Variants in CHRM1 observed in about 807,000 individuals in gnomAD.
CHRM1 encodes muscarinic acetylcholine receptor M1.
Under a neutral mutation model 31.6 loss-of-function variants are expected in CHRM1, and 5 were observed. The ratio of observed to expected loss-of-function variants is 0.16; its 90% CI spans 0.08 to 0.33. CHRM1 has a LOEUF of 0.33. CHRM1 is among the 10% of genes least tolerant of loss of function. The pLI, the probability that CHRM1 is intolerant of heterozygous loss-of-function variation, is 1.00. For synonymous variants in CHRM1, 227 were observed against 249.7 expected, an observed-to-expected ratio of 0.91 and a Z score of 0.86; for missense variants, 338 against 610.3, an observed-to-expected ratio of 0.55 and a Z score of 4.70.
In CHRM1 at chr11:62,909,401, G is replaced by A; in HGVS notation, c.*317C>T. ...TTCTTTCTCCTGGCCCGCCCTGCTGGCTCCTGACTTCCTGCCTAAAGGCAA... is the reference window on the plus strand; with the variant it reads ...TTCTTTCTCCTGGCCCGCCCTGCTGACTCCTGACTTCCTGCCTAAAGGCAA... On this transcript the variant is annotated 3_prime_UTR_variant, in exon 2 of 2. Coordinates refer to ENST00000306960, the MANE Select transcript of CHRM1 (RefSeq NM_000738.3). 2.7e-6 allele frequency: 1 copy of A among 367,418 alleles called. No homozygotes were observed. The highest frequency in any genetic ancestry group is 4.9e-6 in the Non-Finnish European group (1 of 202,510). The allele number at this position is 367,418 out of a possible 1,614,324, so 22.8% of individuals were successfully genotyped here.
At chr11:62,917,200 T>C (rs1362017278) in intron 1 of CHRM1, among the ~76,000 whole-genome samples, 1 of 152,166 alleles carries the variant, frequency 6.6e-6, no homozygotes. Flanking sequence ...TGTGAAAGAA[T>C]CTGGTTTCCC....
chr11:62,913,140 C>T (rs1221445253), intron 1 of CHRM1, among the ~76,000 whole-genome samples: 1 of 152,210 alleles, frequency 6.6e-6, no homozygotes, highest in African/African-American at 2.4e-5. Flanking sequence ...TGAATCTAGT[C>T]TATCCTGTTC....
rs1217695022 is a variant in CHRM1, at chr11:62,909,779, C to T, written c.1322G>A (p.Arg441His). The T allele has an allele frequency of 1.2e-5, 20 of 1,614,070 alleles. No individual in the cohort carries two copies. The Admixed American group carries it at 2.8e-4, about 23-fold the overall frequency. The stretch of plus-strand genomic sequence containing the variant: ...AGGGCGCTTGGGGATCTTGCGCCAG[C>T]GTCTCTTGTCCCAGCGGCAAAGCAG... ...LLLLCRWDKR[R>H]WRKIPKRPGS... The change falls in exon 2 of 2, where the codon CGC becomes CAC. Residue 441 changes from arginine to histidine, a missense_variant. Arg to His is a conservative substitution (Grantham distance 29). Around this residue, in one of 4 missense-constraint regions of CHRM1, gnomAD observed 68 missense variants for 108.5 expected, o/e 0.63. Coordinates refer to ENST00000306960, the MANE Select transcript of CHRM1 (RefSeq NM_000738.3).
intron 1 of CHRM1, among the ~76,000 whole-genome samples, chr11:62,912,485 G>C (rs555610483): frequency 6.6e-6 from 1 of 152,278 alleles, no homozygotes; most frequent in East Asian, 1.9e-4. Flanking sequence ...TGGGGTGTGG[G>C]AGGCTTCCCT....
Position 62,910,620 on chromosome 11 carries a change from T to C in CHRM1, c.481A>G (p.Ile161Val). Residue 161 changes from isoleucine (I) to valine (V), a missense_variant, in exon 2 of 2, where the codon ATC (isoleucine) becomes GTC (valine). Ile to Val is a conservative substitution (Grantham distance 29). Around this residue, in one of 4 missense-constraint regions of CHRM1, gnomAD observed 85 missense variants for 257.7 expected, o/e 0.33. Coordinates refer to ENST00000306960, the MANE Select transcript of CHRM1 (RefSeq NM_000738.3). The surrounding 1 kb of genome is among the most constrained non-coding windows in gnomAD (Gnocchi z 8.7). Reference sequence around the variant, plus strand: ...CCTACCAGGTACTGCCAGAAGAGGATGGCTGGGGCCCAGAGCACAAAGGAA... The same window carrying C: ...CCTACCAGGTACTGCCAGAAGAGGACGGCTGGGGCCCAGAGCACAAAGGAA... ...LVSFVLWAPA[I>V]LFWQYLVGER... 1 of 1,614,132 alleles carries C rather than the reference T, an allele frequency of 6.2e-7. No homozygotes were observed. Among genetic ancestry groups the C allele is most frequent in the Non-Finnish European group, 8.5e-7 (1 of 1,180,012 alleles).
Position 62,910,840 on chromosome 11 carries a change from G to A in CHRM1, c.261C>T (p.Leu87=). Residue 87 remains leucine (L), a synonymous_variant, in exon 2 of 2, where the codon CTC becomes CTT. Coordinates refer to ENST00000306960, the MANE Select transcript of CHRM1 (RefSeq NM_000738.3). This position sits in a 1 kb window ranked among gnomAD's most constrained non-coding sequence, Gnocchi z 8.7. ...FSMNLYTTYL[L]MGHWALGTLA... ...GCGTGCCCAGAGCCCAGTGGCCCAT[G>A]AGCAGGTACGTGGTATAGAGGTTCA... is the stretch of plus-strand genomic sequence containing the variant. 6.2e-7 allele frequency: 1 copy of A among 1,614,186 alleles called. No individual in the cohort carries two copies. Among genetic ancestry groups the A allele is most frequent in the East Asian group, 2.2e-5 (1 of 44,890 alleles).
chr11:62,909,376 T>G lies in CHRM1; in HGVS notation c.*342A>C, dbSNP rs147408879. The G allele has an allele frequency of 1.8e-4, 53 of 291,600 alleles. No individual in the cohort carries two copies. The highest frequency in any genetic ancestry group is 9.9e-4 in the African/African-American group (46 of 46,356). 18.1% of individuals were successfully genotyped at this position (291,600 alleles called of 1,614,324 possible). On this transcript the variant is annotated 3_prime_UTR_variant, in exon 2 of 2. Transcript: ENST00000306960. ...GCCAAGGAATACTTAATGTTAAGCC[T>G]TCTTTCTCCTGGCCCGCCCTGCTGG...
chr11:62,909,586 G>A lies in CHRM1; in HGVS notation c.*132C>T. 8.7e-7 allele frequency: 1 copy of A among 1,146,654 alleles called. No individual in the cohort carries two copies. Among genetic ancestry groups the A allele is most frequent in the Non-Finnish European group, 1.2e-6 (1 of 811,546 alleles). 71.0% of individuals were successfully genotyped at this position (1,146,654 alleles called of 1,614,324 possible). A position where few individuals can be genotyped will look rare whatever the true frequency, so the allele number is the denominator to read the frequency against. On this transcript the variant is annotated 3_prime_UTR_variant, in exon 2 of 2. Coordinates refer to ENST00000306960, the MANE Select transcript of CHRM1 (RefSeq NM_000738.3). ...TGGCAGGGTCTCTCTGGGCTGCCCA[G>A]GAAGGTGACCCAGGGTCCTGGGAAG...
Position 62,917,255 on chromosome 11 carries a change from GATT to G in CHRM1, c.-79+3960_-79+3962del, listed in dbSNP as rs750368348. The stretch of plus-strand genomic sequence containing the variant: ...CTGGGGAGACCAGCCCTAGGCTGAG[GATT>G]AGGGTATGGGGTTCAGTGGTAGCTC... On this transcript the variant is annotated intron_variant, in intron 1 of 1. Transcript: ENST00000306960. Among the ~76,000 whole-genome samples the G allele has an allele frequency of 3.3e-4, 51 of 152,332 alleles. No individual in the cohort carries two copies. In the South Asian group the frequency reaches 5.0e-3, roughly 15 times the overall value.
intron 1 of CHRM1, among the ~76,000 whole-genome samples, chr11:62,911,877 T>G (rs2085872778): frequency 6.6e-6 from 1 of 152,026 alleles, no homozygotes; most frequent in Non-Finnish European, 1.5e-5. Flanking sequence ...AAAGGGGAGT[T>G]CCTGAGAAGA....
chr11:62,908,967 G>T lies in CHRM1; in HGVS notation c.*751C>A, dbSNP rs1274808672. 7 of 152,870 alleles carry T rather than the reference G, an allele frequency of 4.6e-5. No individual in the cohort carries two copies. The highest frequency in any genetic ancestry group is 1.0e-4 in the Non-Finnish European group (7 of 68,298). The allele number at this position is 152,870 out of a possible 1,614,324, so 9.5% of individuals were successfully genotyped here. Reference sequence around the variant, plus strand: ...GACTGAGGCTTCTCTGGGGCAGGGGGTATGGATTTGCGGCTGGATAGCAGG... The same window carrying T: ...GACTGAGGCTTCTCTGGGGCAGGGGTTATGGATTTGCGGCTGGATAGCAGG... On this transcript the variant is annotated 3_prime_UTR_variant, in exon 2 of 2. Transcript: ENST00000306960.
At chr11:62,918,430 C>G (rs1230385575) in intron 1 of CHRM1, 1 of 152,218 alleles carries the variant, frequency 6.6e-6, no homozygotes. Context: ...AGGACCAGGT[C>G]CAGAGCATGG....
Position 62,909,331 on chromosome 11 carries a change from G to T in CHRM1, c.*387C>A, listed in dbSNP as rs750908456. Reference sequence around the variant, plus strand: ...CCCCCAGGGGGCACCATCTCACACCGCAATCTGGGCCGCTGCTGGGCCAAG... The same window carrying T: ...CCCCCAGGGGGCACCATCTCACACCTCAATCTGGGCCGCTGCTGGGCCAAG... On this transcript the variant is annotated 3_prime_UTR_variant, in exon 2 of 2. Coordinates refer to ENST00000306960, the MANE Select transcript of CHRM1 (RefSeq NM_000738.3). 5.1e-6 allele frequency: 1 copy of T among 195,120 alleles called. No homozygotes were observed. Among genetic ancestry groups the T allele is most frequent in the South Asian group, 1.2e-4 (1 of 8,608 alleles). The allele number at this position is 195,120 out of a possible 1,614,324, so 12.1% of individuals were successfully genotyped here.
rs140145421 is a variant in CHRM1, at chr11:62,911,506, A to G, written c.-78-328T>C. On this transcript the variant is annotated intron_variant, in intron 1 of 1. Transcript: ENST00000306960. ...TCGGGTTGCAGGAGTTGGGAAACTCACTTTGTATACAGTCCTGCCAAATTC... is the reference window on the plus strand; with the variant it reads ...TCGGGTTGCAGGAGTTGGGAAACTCGCTTTGTATACAGTCCTGCCAAATTC... 7.2e-3 allele frequency among the ~76,000 whole-genome samples: 1,090 copies of G among 152,358 alleles called. 7 individuals carry two copies. Among genetic ancestry groups the G allele is most frequent in the Middle Eastern group, 0.024 (7 of 294 alleles).
intron 1 of CHRM1, among the ~76,000 whole-genome samples, chr11:62,912,710 C>T (rs2085878390): frequency 6.7e-6 from 1 of 148,818 alleles, no homozygotes; most frequent in African/African-American, 2.5e-5. Context: ...GGCAGCTCAG[C>T]CAGGGGCTTG....
chr11:62,915,123 C>T (rs1428289830), intron 1 of CHRM1, among the ~76,000 whole-genome samples: 2 of 145,500 alleles, frequency 1.4e-5, no homozygotes, highest in Admixed American at 7.3e-5. Context: ...TGCAGTGAGC[C>T]GCGATCACGC....
chr11:62,909,659 C>A lies in CHRM1; in HGVS notation c.*59G>T. ...CCTGGGGCTGAGGATGCAGCCCCTGCCCTCTTCCCACCGGCCTTTCCCGGG... is the reference window on the plus strand; with the variant it reads ...CCTGGGGCTGAGGATGCAGCCCCTGACCTCTTCCCACCGGCCTTTCCCGGG... On this transcript the variant is annotated 3_prime_UTR_variant, in exon 2 of 2. Coordinates refer to ENST00000306960, the MANE Select transcript of CHRM1 (RefSeq NM_000738.3). 6.4e-7 allele frequency: 1 copy of A among 1,574,066 alleles called. No individual in the cohort carries two copies. Among genetic ancestry groups the A allele is most frequent in the Non-Finnish European group, 8.6e-7 (1 of 1,158,748 alleles).
chr11:62,919,521 A>G (rs937844783), intron 1 of CHRM1, among the ~76,000 whole-genome samples: 7 of 152,170 alleles, frequency 4.6e-5, no homozygotes, highest in African/African-American at 1.7e-4. Flanking sequence ...GTGGCATCAG[A>G]GGTTCTGGGT....
intron 1 of CHRM1, chr11:62,916,908 G>T (rs78717301): frequency 6.6e-6 from 1 of 152,234 alleles, no homozygotes; most frequent in Non-Finnish European, 1.5e-5. Flanking sequence ...GTCACCAGAG[G>T]TTCCAGAGAA....
Sources: allele counts gnomAD v4.1 joint callset (sites outside exome capture counted in the v4.1 genomes callset), GRCh38; gene constraint gnomAD v4.1.1; regional missense constraint gnomAD v4.1.1; non-coding constraint Gnocchi (gnomAD v3.1); transcripts MANE v1.5; gene names NCBI Gene and HGNC (gene_info 2026-07-23, HGNC 2026-07-21).